Variants in CNR2 observed in about 807,000 individuals in gnomAD.
The protein encoded by CNR2 is cannabinoid receptor 2 (macrophage).
For synonymous variants in CNR2, 172 were observed against 182.2 expected (o/e 0.94, Z 0.45); for missense variants, 379 against 439.9 (o/e 0.86, Z 1.24).
At position 23,874,646 on chromosome 1, in the gene CNR2, A is replaced by G. The variant is rs1639833253; in HGVS notation, c.972T>C (p.Leu324=). The change falls in exon 2 of 2, where the codon CTT becomes CTC. Residue 324 remains leucine, a synonymous_variant. Coordinates refer to ENST00000374472, the MANE Select transcript of CNR2 (RefSeq NM_001841.3). ...GGGCTTCTTCTTTTGCCTCTGACCC[A>G]AGGCCCCTCACACACTTCTTCCAGT... ...LAHWKKCVRG[L]GSEAKEEAPR... is the part of the protein sequence containing the mutation. 6 of 1,614,112 alleles carry G rather than the reference A, an allele frequency of 3.7e-6. No individual in the cohort carries two copies. Among genetic ancestry groups the G allele is most frequent in the Non-Finnish European group, 4.2e-6 (5 of 1,180,006 alleles).
intron 1 of CNR2, among the ~76,000 whole-genome samples, chr1:23,906,250 T>A (rs1640484214): frequency 1.3e-5 from 2 of 152,096 alleles, no homozygotes; most frequent in Admixed American, 6.6e-5. Flanking sequence ...ATTAAAGCTG[T>A]GTTCTCTCGT....
intron 1 of CNR2, among the ~76,000 whole-genome samples, chr1:23,910,511 G>A (rs996489732): frequency 5.3e-5 from 8 of 151,358 alleles, no homozygotes; most frequent in Non-Finnish European, 1.0e-4. Context: ...AAAATTAGCC[G>A]GGCGTGGTGG....
intron 1 of CNR2, among the ~76,000 whole-genome samples, chr1:23,887,375 C>T (rs1437538648): frequency 6.6e-6 from 1 of 152,204 alleles, no homozygotes; most frequent in East Asian, 1.9e-4. Context: ...GAAAACAACC[C>T]CTTCCAGTCA....
intron 1 of CNR2, among the ~76,000 whole-genome samples, chr1:23,883,253 C>T (rs189179823): frequency 2.0e-5 from 3 of 152,158 alleles, no homozygotes; most frequent in Admixed American, 6.5e-5. Flanking sequence ...ACTCTCATTG[C>T]GATGGGGGTG....
intron 1 of CNR2, among the ~76,000 whole-genome samples, chr1:23,879,155 G>A (rs1010648227): frequency 1.1e-4 from 17 of 152,142 alleles, no homozygotes; most frequent in African/African-American, 2.7e-4. Context: ...TTAGCCAGGC[G>A]TGGTGGTGTG....
chr1:23,895,410 G>A (rs1190849568), intron 1 of CNR2, among the ~76,000 whole-genome samples: 1 of 152,174 alleles, frequency 6.6e-6, no homozygotes, highest in Non-Finnish European at 1.5e-5. Flanking sequence ...GGCAGGTTTT[G>A]CTCAACTATT....
rs1639865085 is a variant in CNR2 at position 23,875,790 on chromosome 1, T to C, written c.-45-128A>G. The C allele has an allele frequency of 1.1e-5, 9 of 799,802 alleles. No individual in the cohort carries two copies. The South Asian group carries it at 2.0e-4, about 18-fold the overall frequency. The allele number at this position is 799,802 out of a possible 1,614,324, so 49.5% of individuals were successfully genotyped here. On this transcript the variant is annotated intron_variant, in intron 1 of 1. Coordinates refer to ENST00000374472, the MANE Select transcript of CNR2 (RefSeq NM_001841.3). ...TTCTATGTGGGAAAATCAGTTTCTG[T>C]TTTGTTTGCCTGTATTTTGCCCTTT... is the stretch of plus-strand genomic sequence containing the variant.
At chr1:23,894,724 C>G (rs1201032232) in intron 1 of CNR2, among the ~76,000 whole-genome samples, 2 of 150,716 alleles carry the variant, frequency 1.3e-5, no homozygotes, top group African/African-American at 4.9e-5. Flanking sequence ...CACGATCCTG[C>G]CACTGCACTC....
intron 1 of CNR2, among the ~76,000 whole-genome samples, chr1:23,888,332 G>C: frequency 6.6e-6 from 1 of 152,132 alleles, no homozygotes; most frequent in Admixed American, 6.6e-5. Flanking sequence ...TCAACATTCT[G>C]AGCCCCTTTT....
chr1:23,902,615 G>C lies in CNR2; in HGVS notation c.-46+10631C>G. ...ACATGGCATAGAAGACGGAGCTGCA[G>C]ACAGCCAGGACGTACTTGTGGGCGG... On this transcript the variant is annotated intron_variant, in intron 1 of 1. Transcript: ENST00000374472. The C allele has an allele frequency of 1.2e-6, 2 of 1,602,850 alleles. 1 individual carries two copies. The highest frequency in any genetic ancestry group is 3.3e-4 in the Middle Eastern group (2 of 6,026).
At chr1:23,879,896 C>A (rs1046784399) in intron 1 of CNR2, among the ~76,000 whole-genome samples, 2 of 152,134 alleles carry the variant, frequency 1.3e-5, no homozygotes, top group Admixed American at 6.6e-5. Context: ...GTCCCAAACC[C>A]TGCATAGCTC....
intron 1 of CNR2, among the ~76,000 whole-genome samples, chr1:23,904,311 T>C (rs1640452671): frequency 6.6e-6 from 1 of 151,806 alleles, no homozygotes; most frequent in Admixed American, 6.6e-5. Context: ...TAGCTTGGGA[T>C]TACAGGCGCC....
chr1:23,878,020 T>C (rs1385965748), intron 1 of CNR2, among the ~76,000 whole-genome samples: 17 of 149,514 alleles, frequency 1.1e-4, no homozygotes, highest in Non-Finnish European at 1.5e-5. Flanking sequence ...AACAAAGAGA[T>C]AAAGTGATGG....
chr1:23,900,501 T>A (rs1640379965), intron 1 of CNR2, among the ~76,000 whole-genome samples: 1 of 91,760 alleles, frequency 1.1e-5, no homozygotes, highest in African/African-American at 4.3e-5. Flanking sequence ...TCTTCCCTGA[T>A]CTCTTTTTTT....
Position 23,872,805 on chromosome 1 carries a change from C to T in CNR2, c.*1730G>A, listed in dbSNP as rs1639785994. On this transcript the variant is annotated 3_prime_UTR_variant, in exon 2 of 2. Transcript: ENST00000374472. The stretch of plus-strand genomic sequence containing the variant: ...GCCGGCACATGGTAGGTCTATCCTA[C>T]CGTTTATTGAGTTAACTCAATTAAT... 6.6e-6 allele frequency: 1 copy of T among 152,196 alleles called. No individual in the cohort carries two copies. The highest frequency in any genetic ancestry group is 2.4e-5 in the African/African-American group (1 of 41,440). 9.4% of individuals were successfully genotyped at this position (152,196 alleles called of 1,614,324 possible).
chr1:23,876,839 A>G (rs200442647), intron 1 of CNR2, among the ~76,000 whole-genome samples: 1 of 21,296 alleles, frequency 4.7e-5, no homozygotes, highest in Non-Finnish European at 8.2e-5. Context: ...TGTCTCAAAA[A>G]AAAAAAAAAA....
chr1:23,902,672 G>A (rs1640421016), intron 1 of CNR2: 6 of 1,594,816 alleles, frequency 3.8e-6, no homozygotes, highest in Non-Finnish European at 5.1e-6. Context: ...GGGGTCCCAC[G>A]ACAAAGTGCA....
chr1:23,891,275 T>TGTGTGTGTG (rs1640185101), intron 1 of CNR2, among the ~76,000 whole-genome samples: 1 of 150,316 alleles, frequency 6.7e-6, no homozygotes, highest in Non-Finnish European at 1.5e-5. Context: ...ACCAAATCTT[T>TGTGTGTGTG]TGTGTGTGTG....
At chr1:23,879,064 G>A (rs1040984149) in intron 1 of CNR2, among the ~76,000 whole-genome samples, 11 of 152,170 alleles carry the variant, frequency 7.2e-5, no homozygotes, top group African/African-American at 2.7e-4. Flanking sequence ...ACAAATATGA[G>A]TAAAGAAAAG....
Sources: allele counts gnomAD v4.1 joint callset (sites outside exome capture counted in the v4.1 genomes callset), GRCh38; gene constraint gnomAD v4.1.1; transcripts MANE v1.5; gene names NCBI Gene and HGNC (gene_info 2026-07-23, HGNC 2026-07-21).